Variants in RTEL1 observed in about 807,000 individuals in gnomAD.
RTEL1 encodes regulator of telomere elongation helicase 1.
RTEL1 carries 86 observed loss-of-function variants against 162.2 expected under a neutral mutation model. The ratio of observed to expected loss-of-function variants is 0.53; its 90% CI spans 0.45 to 0.63. RTEL1 has a LOEUF of 0.63. Among genes scored for constraint, RTEL1 ranks in the 30% least tolerant of loss-of-function variants. The pLI is 0.00. For synonymous variants in RTEL1, 958 were observed against 717.9 expected (o/e 1.33, Z -5.35); for missense variants, 1,941 against 1,750.2 (o/e 1.11, Z -1.95).
At position 63,673,920 on chromosome 20, in the gene RTEL1, C is replaced by T. The variant is rs756944193; in HGVS notation, c.766-20C>T. The T allele has an allele frequency of 2.1e-5, 34 of 1,598,388 alleles. No individual in the cohort carries two copies. Among genetic ancestry groups the T allele is most frequent in the East Asian group, 6.7e-5 (3 of 44,614 alleles). On this transcript the variant is annotated intron_variant, in intron 9 of 34. Coordinates refer to ENST00000360203, the MANE Select transcript of RTEL1 (RefSeq NM_001283009.2). ...GATCCTGTCCTGTTCTGTGGTGATT[C>T]GGGTGTGCTTGGGCTCTAGGAGAAG... is the stretch of plus-strand genomic sequence containing the variant.
intron 16 of RTEL1, chr20:63,686,169 G>C: frequency 2.0e-6 from 1 of 492,090 alleles, no homozygotes; most frequent in East Asian, 3.7e-5. Flanking sequence ...TTTATGCCGA[G>C]GCCGTCAGCA....
In RTEL1 at chr20:63,695,051, T is replaced by A; in HGVS notation, c.3344-15T>A. ...AAATGGGGGCTGTGCCGGGTCTGAT[T>A]GAAGCTCCCCGCAGGGTTCAGCATG... is the stretch of plus-strand genomic sequence containing the variant. On this transcript the variant is annotated splice_polypyrimidine_tract_variant and intron_variant, in intron 32 of 34. Transcript: ENST00000360203. The A allele has an allele frequency of 6.2e-7, 1 of 1,611,042 alleles. No homozygotes were observed. Among genetic ancestry groups the A allele is most frequent in the Non-Finnish European group, 8.5e-7 (1 of 1,178,870 alleles).
intron 10 of RTEL1, 45 bp downstream of exon 10, chr20:63,674,138 G>A (rs747916234): frequency 2.6e-6 from 4 of 1,557,970 alleles, no homozygotes; most frequent in Admixed American, 3.7e-5. Flanking sequence ...CTGCGCTGCT[G>A]CAGGGTGAGC....
chr20:63,691,996 A>G (rs2090758087), intron 28 of RTEL1, 159 bp downstream of exon 28: 1 of 590,334 alleles, frequency 1.7e-6, no homozygotes, highest in African/African-American at 1.9e-5. Flanking sequence ...CAGGGGCTCA[A>G]GTGTGTGGTT....
At chr20:63,674,443 G>A (rs1226591931) in intron 10 of RTEL1, among the ~76,000 whole-genome samples, 1 of 152,210 alleles carries the variant, frequency 6.6e-6, no homozygotes, top group African/African-American at 2.4e-5. Context: ...CCTCTACTGT[G>A]TAAAACTGGA....
rs544680653 is a variant in RTEL1, at chr20:63,661,954, C to A, written c.395+11C>A. ...GAACACCTCCTACCGGTGGGTCAGACGAGTTTACACCTGTCTCGGGGTCCT... is the reference window on the plus strand; with the variant it reads ...GAACACCTCCTACCGGTGGGTCAGAAGAGTTTACACCTGTCTCGGGGTCCT... On this transcript the variant is annotated intron_variant, in intron 4 of 34. Transcript: ENST00000360203. This position sits in a 1 kb window ranked among gnomAD's most constrained non-coding sequence, Gnocchi z 5.1. 6.9e-6 allele frequency: 11 copies of A among 1,605,028 alleles called. No individual in the cohort carries two copies. The African/African-American group carries it at 1.5e-4, about 21-fold the overall frequency.
chr20:63,691,446 C>A (rs1455746000), intron 27 of RTEL1, among the ~76,000 whole-genome samples: 2 of 152,130 alleles, frequency 1.3e-5, no homozygotes, highest in Non-Finnish European at 2.9e-5. Flanking sequence ...GGAGTGAGCT[C>A]CAGGTGCAGG....
chr20:63,691,574 C>G (rs893135393), intron 27 of RTEL1, among the ~76,000 whole-genome samples, 168 bp from the exon 28 acceptor site: 1 of 152,186 alleles, frequency 6.6e-6, no homozygotes, highest in African/African-American at 2.4e-5. Flanking sequence ...GTGACTTGGA[C>G]AGGACCAAGT....
chr20:63,663,197 A>G (rs924417703), intron 6 of RTEL1, among the ~76,000 whole-genome samples: 1 of 152,178 alleles, frequency 6.6e-6, no homozygotes, highest in Admixed American at 6.5e-5. Flanking sequence ...TGGTGCAAAC[A>G]GTAGGGGTTT....
At chr20:63,689,173 T>G in intron 22 of RTEL1, 41 bp downstream of exon 22, 1 of 1,577,048 alleles carries the variant, frequency 6.3e-7, no homozygotes, top group African/African-American at 1.3e-5. Context: ...TGGTTGCCTG[T>G]TCCCTGGTGG....
Position 63,687,784 on chromosome 20 carries a change from CTG to C in RTEL1, c.1481+15_1481+16del. On this transcript the variant is annotated intron_variant, in intron 17 of 34. Transcript: ENST00000360203. ...GGAGATGCAGATGTACGGGCCACCC[CTG>C]CCAGGGCCTGAGCACCGGTGACACC... 2 of 1,560,680 alleles carry C rather than the reference CTG, an allele frequency of 1.3e-6. No individual in the cohort carries two copies. Among genetic ancestry groups the C allele is most frequent in the Non-Finnish European group, 1.7e-6 (2 of 1,153,034 alleles).
At chr20:63,660,594 G>A (rs1021361666) in intron 2 of RTEL1, 1 of 152,534 alleles carries the variant, frequency 6.6e-6, no homozygotes, top group African/African-American at 2.4e-5. Context: ...CAATTGTTCA[G>A]GGTACAGGTC....
At chr20:63,682,279 C>T (rs1201455809) in intron 14 of RTEL1, 1 of 984,968 alleles carries the variant, frequency 1.0e-6, no homozygotes, top group Non-Finnish European at 1.2e-6. Context: ...TGGAACGCGG[C>T]CTCCCAGGCC....
chr20:63,685,586 C>G lies in RTEL1; in HGVS notation c.1255C>G (p.Gln419Glu). 2 of 1,611,610 alleles carry G rather than the reference C, an allele frequency of 1.2e-6. No homozygotes were observed. Among genetic ancestry groups the G allele is most frequent in the Non-Finnish European group, 1.7e-6 (2 of 1,179,532 alleles). The part of the protein sequence containing the change: ...PGSPAGLGAL[Q>E]SYKVHIHPDA... ...TTCCCCAGCAGGGCTGGGGGCCTTA[C>G]AGTCCTATAAGGTAGGGGCCACCTC... The change falls in exon 15 of 35, where the codon CAG becomes GAG. Residue 419 changes from glutamine to glutamate, a missense_variant. By Grantham distance (29) the Gln-to-Glu change is conservative. Coordinates refer to ENST00000360203, the MANE Select transcript of RTEL1 (RefSeq NM_001283009.2).
Position 63,674,014 on chromosome 20 carries a change from C to T in RTEL1, c.840C>T (p.Asp280=). ...TGGCTTCAGGACTGGACGTCATAGA[C>T]CAGGTGCTGGAGGAGCAGACCAAGG... The part of the protein sequence containing the change: ...HDLASGLDVI[D]QVLEEQTKAA... The change falls in exon 10 of 35, where the codon GAC becomes GAT. Residue 280 remains aspartate, a synonymous_variant. Transcript: ENST00000360203. The T allele has an allele frequency of 6.2e-7, 1 of 1,614,150 alleles. No individual in the cohort carries two copies. Among genetic ancestry groups the T allele is most frequent in the Non-Finnish European group, 8.5e-7 (1 of 1,180,026 alleles).
chr20:63,695,614 C>G lies in RTEL1; in HGVS notation c.3786C>G (p.Phe1262Leu). 1.2e-6 allele frequency: 2 copies of G among 1,611,806 alleles called. No homozygotes were observed. The highest frequency in any genetic ancestry group is 1.7e-6 in the Non-Finnish European group (2 of 1,179,908). ...VVPFQCPACD[F>L]QRCQACWQRH... ...CCTTCCAGTGCCCTGCCTGTGACTT[C>G]CAGCGCTGCCAAGCCTGCTGGCAAC... The change falls in exon 34 of 35, where the codon TTC becomes TTG. Residue 1262 changes from phenylalanine to leucine, a missense_variant. Physicochemically the swap from Phe to Leu is conservative, Grantham distance 22. Coordinates refer to ENST00000360203, the MANE Select transcript of RTEL1 (RefSeq NM_001283009.2).
Position 63,661,992 on chromosome 20 carries a change from C to CT in RTEL1, c.395+51dup. 7.1e-7 allele frequency: 1 copy of CT among 1,402,656 alleles called. No individual in the cohort carries two copies. The highest frequency in any genetic ancestry group is 1.0e-6 in the Non-Finnish European group (1 of 988,126). The allele number at this position is 1,402,656 out of a possible 1,614,324, so 86.9% of individuals were successfully genotyped here. A position where few individuals can be genotyped will look rare whatever the true frequency, so the allele number is the denominator to read the frequency against. On this transcript the variant is annotated intron_variant, in intron 4 of 34. Transcript: ENST00000360203. The surrounding 1 kb of genome is among the most constrained non-coding windows in gnomAD (Gnocchi z 5.1). ...GTCTCGGGGTCCTCAAGAGAACCAGCTTGGCATGGTGCTGAGTCCACAGCC... is the reference window on the plus strand; with the variant it reads ...GTCTCGGGGTCCTCAAGAGAACCAGCTTTGGCATGGTGCTGAGTCCACAGCC...
Position 63,695,347 on chromosome 20 carries a change from G to A in RTEL1, c.3519G>A (p.Lys1173=), listed in dbSNP as rs979471304. ...APQPGPSRSE[K]TGKTQSKISS... is the part of the protein sequence containing the mutation. ...CTCCAGGCCCCTCACGGTCCGAGAAGACCGGGAAGACCCAGAGCAAGATCT... is the reference window on the plus strand; with the variant it reads ...CTCCAGGCCCCTCACGGTCCGAGAAAACCGGGAAGACCCAGAGCAAGATCT... Residue 1173 remains lysine, a synonymous_variant, in exon 34 of 35, where the codon AAG becomes AAA. Transcript: ENST00000360203. 1.9e-6 allele frequency: 3 copies of A among 1,551,322 alleles called. No homozygotes were observed. The highest frequency in any genetic ancestry group is 2.6e-6 in the Non-Finnish European group (3 of 1,148,708).
At chr20:63,682,149 C>T (rs1459681709) in intron 14 of RTEL1, 1 of 985,290 alleles carries the variant, frequency 1.0e-6, no homozygotes, top group Admixed American at 6.1e-5. Flanking sequence ...GTCTCCTCCA[C>T]ACTATGGAAC....
Sources: gnomAD v4.1 joint callset for allele counts (sites outside exome capture counted in the v4.1 genomes callset) on GRCh38, gnomAD v4.1.1 for gene constraint, Gnocchi (gnomAD v3.1) non-coding constraint, MANE v1.5 for transcripts, NCBI Gene and HGNC (gene_info 2026-07-23, HGNC 2026-07-21) for gene names.